The following SEMA3E variants were observed in gnomAD, a reference collection of about 807,000 sequenced individuals.
SEMA3E encodes the protein semaphorin 3E, also known as semaphorin-3E.
SEMA3E carries 49 observed loss-of-function variants against 93.6 expected under a neutral mutation model. That is an observed-to-expected ratio of 0.52 (90% CI 0.42 to 0.66). SEMA3E has a LOEUF of 0.66. Among genes scored for constraint, SEMA3E ranks in the 30% least tolerant of loss-of-function variants. The pLI is 0.00. For missense variants in SEMA3E, 906 were observed against 964.8 expected (o/e 0.94, Z 0.81); for synonymous variants, 363 against 330.7 (o/e 1.10, Z -1.06).
At chr7:83,429,528 G>A (rs1210850431) in intron 4 of SEMA3E, among the ~76,000 whole-genome samples, 3 of 152,092 alleles carry the variant, frequency 2.0e-5, no homozygotes, top group Non-Finnish European at 4.4e-5. Context: ...TGCTTTTACT[G>A]GAAAAACATC....
rs1462888670 is a variant in SEMA3E, at chr7:83,648,648, T to C, written c.-106A>G. On this transcript the variant is annotated 5_prime_UTR_variant, in exon 1 of 17. Coordinates refer to ENST00000643230, the MANE Select transcript of SEMA3E (RefSeq NM_012431.3). ...AGCGTGCGAGAGGCTTTGTCAGAAA[T>C]CGAACGCGTTGTCATCAGAAAGCAC... 25 of 816,358 alleles carry C rather than the reference T, an allele frequency of 3.1e-5. No individual in the cohort carries two copies. Among genetic ancestry groups the C allele is most frequent in the Non-Finnish European group, 4.8e-5 (23 of 476,210 alleles). 50.6% of individuals were successfully genotyped at this position (816,358 alleles called of 1,614,324 possible).
At chr7:83,540,075 C>T (rs1013010774) in intron 1 of SEMA3E, among the ~76,000 whole-genome samples, 8 of 152,100 alleles carry the variant, frequency 5.3e-5, no homozygotes, top group Non-Finnish European at 8.8e-5. Context: ...GTAGAGACGG[C>T]GTTTGCCATG....
chr7:83,518,159 A>C (rs778366775), intron 1 of SEMA3E, among the ~76,000 whole-genome samples: 2 of 152,154 alleles, frequency 1.3e-5, no homozygotes, highest in African/African-American at 2.4e-5. Flanking sequence ...TAGTTAGTAC[A>C]TAAGGACCAT....
chr7:83,605,640 G>A (rs1346212439), intron 1 of SEMA3E, among the ~76,000 whole-genome samples: 1 of 152,042 alleles, frequency 6.6e-6, no homozygotes, highest in Non-Finnish European at 1.5e-5. Context: ...ATGTTGGTTA[G>A]GCTGGTCTCG....
chr7:83,598,001 A>G (rs1792911966), intron 1 of SEMA3E, among the ~76,000 whole-genome samples: 1 of 152,234 alleles, frequency 6.6e-6, no homozygotes, highest in Non-Finnish European at 1.5e-5. Flanking sequence ...GGAAGTTAAA[A>G]GGAAGAGAAA....
chr7:83,390,089 A>ATGCGCGTATACATGTGCACATG (rs1787981847), intron 14 of SEMA3E, among the ~76,000 whole-genome samples: 1 of 108,430 alleles, frequency 9.2e-6, no homozygotes, highest in Non-Finnish European at 1.9e-5. Flanking sequence ...GTGTGCACAT[A>ATGCGCGTATACATGTGCACATG]TATGCGCGTA....
At chr7:83,418,663 G>T (rs985814077) in intron 4 of SEMA3E, among the ~76,000 whole-genome samples, 180 bp from the exon 5 acceptor site, 3 of 152,110 alleles carry the variant, frequency 2.0e-5, no homozygotes, top group Admixed American at 2.0e-4. Flanking sequence ...GTGTTTTACA[G>T]ACCCATAAGA....
chr7:83,598,678 A>G (rs1043128738), intron 1 of SEMA3E, among the ~76,000 whole-genome samples: 2 of 152,176 alleles, frequency 1.3e-5, no homozygotes, highest in African/African-American at 2.4e-5. Context: ...GAGAAGTCCA[A>G]TCTTGTCTTA....
chr7:83,407,267 G>A lies in SEMA3E; in HGVS notation c.671-28C>T, dbSNP rs1205665564. On this transcript the variant is annotated intron_variant, in intron 6 of 16. Transcript: ENST00000643230. ...ATAGGAGCAAAAAATAGGAGAAAAA[G>A]TGAAATAGATATTACAACTAAATGC... 6 of 1,585,728 alleles carry A rather than the reference G, an allele frequency of 3.8e-6. No individual in the cohort carries two copies. The Admixed American group carries it at 8.4e-5, about 22-fold the overall frequency.
chr7:83,546,404 G>C (rs989205887), intron 1 of SEMA3E, among the ~76,000 whole-genome samples: 12 of 147,536 alleles, frequency 8.1e-5, no homozygotes, highest in Non-Finnish European at 1.5e-4. Flanking sequence ...GGGACCACTA[G>C]CTCTAGGGCT....
intron 1 of SEMA3E, among the ~76,000 whole-genome samples, chr7:83,500,470 C>T (rs12532833): frequency 0.37 from 55,816 of 151,296 alleles, 11,110 homozygotes; most frequent in East Asian, 0.43. Flanking sequence ...AAAAAACTTA[C>T]TTAAAGGAGG....
intron 1 of SEMA3E, among the ~76,000 whole-genome samples, chr7:83,504,223 A>C (rs890904651): frequency 6.6e-6 from 1 of 152,220 alleles, no homozygotes; most frequent in Non-Finnish European, 1.5e-5. Context: ...AAATGATAGA[A>C]TAATAACTGA....
At chr7:83,562,403 C>A (rs1241312995) in intron 1 of SEMA3E, among the ~76,000 whole-genome samples, 2 of 151,958 alleles carry the variant, frequency 1.3e-5, no homozygotes, top group Non-Finnish European at 2.9e-5. Context: ...CACTCAGAAT[C>A]CCAGATATAC....
intron 1 of SEMA3E, among the ~76,000 whole-genome samples, chr7:83,638,085 A>G (rs1793917212): frequency 6.6e-6 from 1 of 152,186 alleles, no homozygotes; most frequent in South Asian, 2.1e-4. Context: ...TTTTACCCCA[A>G]AAGAATTTAA....
intron 1 of SEMA3E, among the ~76,000 whole-genome samples, chr7:83,548,321 T>A (rs1276442842): frequency 6.6e-6 from 1 of 152,112 alleles, no homozygotes; most frequent in Non-Finnish European, 1.5e-5. Flanking sequence ...CATGGCTTGC[T>A]AGAAACAAGT....
chr7:83,467,804 A>T (rs41410246), intron 3 of SEMA3E, among the ~76,000 whole-genome samples: 1 of 152,156 alleles, frequency 6.6e-6, no homozygotes, highest in Non-Finnish European at 1.5e-5. Context: ...GGCATTTCCC[A>T]GTTAATTGAG....
intron 4 of SEMA3E, among the ~76,000 whole-genome samples, chr7:83,443,708 T>G (rs1051688375): frequency 6.6e-6 from 1 of 152,086 alleles, no homozygotes; most frequent in Non-Finnish European, 1.5e-5. Context: ...ATTTTCAATA[T>G]TGATTTTAAA....
At chr7:83,449,583 A>G (rs766018430) in intron 4 of SEMA3E, among the ~76,000 whole-genome samples, 1 of 152,142 alleles carries the variant, frequency 6.6e-6, no homozygotes, top group Non-Finnish European at 1.5e-5. Flanking sequence ...GGTATTCTTG[A>G]ATCAAAAGCT....
intron 1 of SEMA3E, among the ~76,000 whole-genome samples, chr7:83,638,384 T>C (rs1289606922): frequency 6.6e-6 from 1 of 152,186 alleles, no homozygotes; most frequent in African/African-American, 2.4e-5. Context: ...CCAGGAAAAC[T>C]TCTCTTTGAG....
Sources: allele counts gnomAD v4.1 joint callset (sites outside exome capture counted in the v4.1 genomes callset), GRCh38; gene constraint gnomAD v4.1.1; transcripts MANE v1.5; gene names NCBI Gene and HGNC (gene_info 2026-07-23, HGNC 2026-07-21).